SNX29: variants seen among roughly 807,000 people sequenced by gnomAD.
SNX29 encodes sorting nexin-29.
A neutral mutation model predicts 102.1 loss-of-function variants in SNX29; 78 were observed. The ratio of observed to expected loss-of-function variants is 0.76; its 90% CI spans 0.64 to 0.92. The LOEUF is 0.92. Ranked by LOEUF, SNX29 falls within the 40% of genes least tolerant of loss-of-function variation. SNX29 has a pLI of 0.00. For missense variants in SNX29, 1,280 were observed against 1,061.7 expected (o/e 1.21, Z -2.86); for synonymous variants, 580 against 414.5 (o/e 1.40, Z -4.85).
At chr16:12,439,918 T>G (rs1185895403) in intron 18 of SNX29, among the ~76,000 whole-genome samples, 1 of 152,192 alleles carries the variant, frequency 6.6e-6, no homozygotes, top group Admixed American at 6.5e-5. Context: ...TCCCTGAGTA[T>G]CTGGTGGGGT....
At chr16:12,358,946 T>G (rs1053193036) in intron 16 of SNX29, among the ~76,000 whole-genome samples, 3 of 152,234 alleles carry the variant, frequency 2.0e-5, no homozygotes, top group African/African-American at 7.2e-5. Context: ...CTGTATCCTT[T>G]GTAATATCCT....
intron 16 of SNX29, among the ~76,000 whole-genome samples, chr16:12,373,251 G>A (rs569626962): frequency 2.6e-5 from 4 of 152,270 alleles, no homozygotes; most frequent in African/African-American, 9.6e-5. Context: ...TCCCACCTCA[G>A]CCTCCTGAGT....
Position 12,527,878 on chromosome 16 carries a change from C to G in SNX29, c.2318+3037C>G, listed in dbSNP as rs193130227. 7.7e-3 allele frequency among the ~76,000 whole-genome samples: 1,128 copies of G among 146,916 alleles called. 16 individuals are homozygous for G. Among genetic ancestry groups the G allele is most frequent in the African/African-American group, 0.027 (1,051 of 39,556 alleles). Reference sequence around the variant, plus strand: ...CTCGCTCTGTCGGCCAAACTGGAGTCCAGTGGCATGATCTCGGCTCACTGT... The same window carrying G: ...CTCGCTCTGTCGGCCAAACTGGAGTGCAGTGGCATGATCTCGGCTCACTGT... On this transcript the variant is annotated intron_variant, in intron 20 of 20. Transcript: ENST00000566228.
chr16:12,318,916 T>G (rs2080841004), intron 15 of SNX29, among the ~76,000 whole-genome samples: 2 of 152,188 alleles, frequency 1.3e-5, no homozygotes, highest in East Asian at 3.9e-4. Flanking sequence ...TTCAGTAAAT[T>G]TACTTAATCT....
Position 11,988,556 on chromosome 16 carries a change from A to C in SNX29, c.8-10741A>C, listed in dbSNP as rs557989301. Among the ~76,000 whole-genome samples, 3 of 152,132 alleles carry C rather than the reference A, an allele frequency of 2.0e-5. No homozygotes were observed. The East Asian group carries it at 5.8e-4, about 29-fold the overall frequency. On this transcript the variant is annotated intron_variant, in intron 1 of 20. Coordinates refer to ENST00000566228, the MANE Select transcript of SNX29 (RefSeq NM_032167.5). The stretch of plus-strand genomic sequence containing the variant: ...GGACTACAGGTGTGTGCCACCACAC[A>C]CGGCTAATTTTTAAAAAACTTTTTG...
intron 11 of SNX29, among the ~76,000 whole-genome samples, chr16:12,118,377 G>T (rs184791983): frequency 0.014 from 1,844 of 135,610 alleles, 49 homozygotes; most frequent in African/African-American, 0.049. Flanking sequence ...CTGGAGTGCA[G>T]TGGCACCATG....
Position 12,054,029 on chromosome 16 carries a change from G to A in SNX29, c.1124+1807G>A, listed in dbSNP as rs1456750363. 4.6e-5 allele frequency among the ~76,000 whole-genome samples: 7 copies of A among 151,424 alleles called. No homozygotes were observed. In the East Asian group the frequency reaches 5.8e-4, roughly 13 times the overall value. On this transcript the variant is annotated intron_variant, in intron 8 of 20. Transcript: ENST00000566228. ...GTCGCCCAGGCTGGGGTGCAGTGGC[G>A]TGATCTCGGCTCACTGCAAACTCCG... is the stretch of plus-strand genomic sequence containing the variant.
Position 12,549,560 on chromosome 16 carries a change from C to T in SNX29, c.2319-18946C>T, listed in dbSNP as rs531215082. On this transcript the variant is annotated intron_variant, in intron 20 of 20. Coordinates refer to ENST00000566228, the MANE Select transcript of SNX29 (RefSeq NM_032167.5). ...AGCCAGTAAGGCATGGAGTGGGCTT[C>T]CACCCTGGGACCCCAGCCCTAAGAC... Among the ~76,000 whole-genome samples the T allele has an allele frequency of 2.0e-5, 3 of 150,136 alleles. No individual in the cohort carries two copies. In the East Asian group the frequency reaches 6.0e-4, roughly 30 times the overall value.
chr16:12,030,702 C>T (rs2057316818), intron 4 of SNX29, among the ~76,000 whole-genome samples: 1 of 152,206 alleles, frequency 6.6e-6, no homozygotes, highest in South Asian at 2.1e-4. Flanking sequence ...CCCGTAACCC[C>T]ACTAACTTAA....
chr16:12,029,107 CT>C (rs908613109), intron 4 of SNX29, among the ~76,000 whole-genome samples: 114 of 143,996 alleles, frequency 7.9e-4, no homozygotes, highest in Middle Eastern at 3.6e-3. Flanking sequence ...CAGATGTTTG[CT>C]TTTTTTTTTT....
intron 20 of SNX29, chr16:12,560,850 T>C (rs761319046): frequency 7.7e-5 from 14 of 182,878 alleles, no homozygotes; most frequent in African/African-American, 1.9e-4. Context: ...AAGGATGTTA[T>C]GAGAATTGGT....
intron 13 of SNX29, among the ~76,000 whole-genome samples, chr16:12,179,173 C>T (rs986000991): frequency 1.5e-4 from 23 of 152,190 alleles, no homozygotes; most frequent in African/African-American, 5.3e-4. Context: ...AATATAATTG[C>T]CAAGAACATA....
chr16:12,517,290 A>G (rs2089908385), intron 19 of SNX29, among the ~76,000 whole-genome samples: 1 of 152,182 alleles, frequency 6.6e-6, no homozygotes, highest in African/African-American at 2.4e-5. Context: ...CAGATCCCTC[A>G]TGGCCCTTTA....
chr16:12,305,302 G>A (rs1195934611), intron 15 of SNX29, among the ~76,000 whole-genome samples: 1 of 152,224 alleles, frequency 6.6e-6, no homozygotes, highest in Non-Finnish European at 1.5e-5. Flanking sequence ...CAGGTGTTGC[G>A]AAGATCCCCC....
chr16:12,470,359 C>T (rs1276270350), intron 18 of SNX29, among the ~76,000 whole-genome samples: 2 of 152,144 alleles, frequency 1.3e-5, no homozygotes, highest in African/African-American at 2.4e-5. Flanking sequence ...TTCATGTCAG[C>T]GGGTTTCTCT....
intron 14 of SNX29, among the ~76,000 whole-genome samples, chr16:12,217,207 A>G (rs2077347307): frequency 6.6e-6 from 1 of 152,096 alleles, no homozygotes; most frequent in Admixed American, 6.6e-5. Context: ...TTTTGTAGAG[A>G]CAGGGTCTCA....
At chr16:12,301,357 T>G (rs2151098526) in intron 15 of SNX29, among the ~76,000 whole-genome samples, 1 of 152,276 alleles carries the variant, frequency 6.6e-6, no homozygotes, top group African/African-American at 2.4e-5. Flanking sequence ...CGTTCTACTC[T>G]CCAGCCCCCT....
At chr16:11,981,390 C>A (rs1279262742) in intron 1 of SNX29, among the ~76,000 whole-genome samples, 2 of 152,064 alleles carry the variant, frequency 1.3e-5, no homozygotes, top group East Asian at 3.8e-4. Context: ...AAGCCTGAGC[C>A]ACCATGCCTG....
intron 15 of SNX29, among the ~76,000 whole-genome samples, chr16:12,293,645 G>A (rs540574489): frequency 9.2e-5 from 14 of 152,242 alleles, no homozygotes; most frequent in South Asian, 8.3e-4. Flanking sequence ...AACTAATAGC[G>A]TGCTTTCATC....
Sources: allele counts gnomAD v4.1 joint callset (sites outside exome capture counted in the v4.1 genomes callset), GRCh38; gene constraint gnomAD v4.1.1; transcripts MANE v1.5; gene names NCBI Gene and HGNC (gene_info 2026-07-23, HGNC 2026-07-21).